Variants in ARHGEF18 observed in about 807,000 individuals in gnomAD.
The protein encoded by ARHGEF18 is Rho/Rac guanine nucleotide exchange factor 18.
In ARHGEF18, 93 loss-of-function variants were observed where a neutral mutation model predicts 155.7. That is an observed-to-expected ratio of 0.60 (90% CI 0.50 to 0.71). The LOEUF (loss-of-function observed/expected upper bound fraction) is 0.71. ARHGEF18 is among the 30% of genes least tolerant of loss of function. The pLI, the probability that ARHGEF18 is intolerant of heterozygous loss-of-function variation, is 0.00. For missense variants in ARHGEF18, 1,593 were observed against 1,816.1 expected (o/e 0.88, Z 2.23); for synonymous variants, 742 against 753.1 (o/e 0.99, Z 0.24).
rs765235100 is a variant in ARHGEF18 at position 7,458,534 on chromosome 19, C to T, written c.2204C>T (p.Ser735Leu). 23 of 1,613,894 alleles carry T rather than the reference C, an allele frequency of 1.4e-5. 1 individual carries two copies. Among genetic ancestry groups the T allele is most frequent in the South Asian group, 2.2e-5 (2 of 91,080 alleles). Residue 735 changes from serine (S) to leucine (L), a missense_variant, in exon 19 of 29, where the codon TCG becomes TTG. By Grantham distance (145) the Ser-to-Leu change is moderately radical. Coordinates refer to ENST00000668164, the MANE Select transcript of ARHGEF18 (RefSeq NM_001367823.1). ...CAGGACTCAAAGCCACCCGTCATCT[C>T]GTTACAAAAGCTCATCGTGAGGGAA... Reference protein sequence around the residue: ...ASVDSKPPVISLQKLIVREVA... With the variant: ...ASVDSKPPVILLQKLIVREVA...
intron 10 of ARHGEF18, among the ~76,000 whole-genome samples, chr19:7,426,985 C>A (rs1245109310): frequency 6.6e-6 from 1 of 152,178 alleles, no homozygotes; most frequent in South Asian, 2.1e-4. Flanking sequence ...AGTTTGAATT[C>A]TTGGGGTGGA....
At chr19:7,410,395 TAC>T (rs975420548) in intron 10 of ARHGEF18, among the ~76,000 whole-genome samples, 1 of 151,778 alleles carries the variant, frequency 6.6e-6, no homozygotes, top group African/African-American at 2.4e-5. Context: ...TATATATATA[TAC>T]ACACACACAT....
At position 7,470,946 on chromosome 19, in the gene ARHGEF18, C is replaced by G. The variant is rs1415819560; in HGVS notation, c.*648C>G. On this transcript the variant is annotated 3_prime_UTR_variant, in exon 29 of 29. Transcript: ENST00000668164. This position sits in a 1 kb window ranked among gnomAD's most constrained non-coding sequence, Gnocchi z 5.9. ...GGCCCACTGAGGGAACATCAGTGGCCCTCCAGTCAGGTTCTGTGGGTTTGG... is the reference window on the plus strand; with the variant it reads ...GGCCCACTGAGGGAACATCAGTGGCGCTCCAGTCAGGTTCTGTGGGTTTGG... The G allele has an allele frequency of 2.5e-6, 1 of 400,478 alleles. No homozygotes were observed. The highest frequency in any genetic ancestry group is 4.4e-6 in the Non-Finnish European group (1 of 225,958). The allele number at this position is 400,478 out of a possible 1,614,324, so 24.8% of individuals were successfully genotyped here. A position where few individuals can be genotyped will look rare whatever the true frequency, so the allele number is the denominator to read the frequency against.
intron 18 of ARHGEF18, among the ~76,000 whole-genome samples, chr19:7,457,239 C>G (rs369065510): frequency 6.6e-6 from 1 of 151,788 alleles, no homozygotes; most frequent in Non-Finnish European, 1.5e-5. Flanking sequence ...TCTGTGTCCT[C>G]GAGTGGCCAT....
Position 7,358,159 on chromosome 19 carries a change from T to TTCCATCCATCCA in ARHGEF18, c.-110-4605_-110-4594dup, listed in dbSNP as rs72488503. 3.5e-4 allele frequency among the ~76,000 whole-genome samples: 51 copies of TTCCATCCATCCA among 147,050 alleles called. 1 individual carries two copies. Among genetic ancestry groups the TTCCATCCATCCA allele is most frequent in the African/African-American group, 1.2e-3 (48 of 39,646 alleles). On this transcript the variant is annotated intron_variant, in intron 1 of 28. Coordinates refer to ENST00000668164, the MANE Select transcript of ARHGEF18 (RefSeq NM_001367823.1). ...CAGCCAACTCTTCAACCATCCATCC[T>TTCCATCCATCCA]TCCATCCATCCATCCATCCATCCAT...
At position 7,469,909 on chromosome 19, in the gene ARHGEF18, T is replaced by G. The variant is rs1976911866; in HGVS notation, c.3793T>G (p.Phe1265Val). ...AAATACCTTCTCTCTTCCAGCGTCCTTCGACCTGAAGCAGCAGCTGCTGCT... is the reference window on the plus strand; with the variant it reads ...AAATACCTTCTCTCTTCCAGCGTCCGTCGACCTGAAGCAGCAGCTGCTGCT... ...GSQRWESSAS[F>V]DLKQQLLLNK... The change falls in exon 28 of 29, where the codon TTC becomes GTC. Residue 1265 changes from phenylalanine to valine, a missense_variant. By Grantham distance (50) the Phe-to-Val change is conservative. Transcript: ENST00000668164. The G allele has an allele frequency of 1.2e-6, 2 of 1,612,860 alleles. No individual in the cohort carries two copies. The highest frequency in any genetic ancestry group is 1.7e-6 in the Non-Finnish European group (2 of 1,179,818).
intron 3 of ARHGEF18, 133 bp downstream of exon 3, chr19:7,373,204 G>A: frequency 8.8e-7 from 1 of 1,133,146 alleles, no homozygotes; most frequent in Non-Finnish European, 1.1e-6. Context: ...TTGGTACCAG[G>A]GACCAGTTTC....
At chr19:7,431,294 A>G (rs1047083484) in intron 10 of ARHGEF18, among the ~76,000 whole-genome samples, 11 of 152,062 alleles carry the variant, frequency 7.2e-5, no homozygotes, top group African/African-American at 2.7e-4. Flanking sequence ...AGGTGGGCGG[A>G]TCACTTGAGG....
chr19:7,450,984 AATGCAGGATC>A (rs1975401367), intron 15 of ARHGEF18, among the ~76,000 whole-genome samples, 155 bp from the exon 16 acceptor site: 1 of 151,966 alleles, frequency 6.6e-6, no homozygotes, highest in East Asian at 1.9e-4. Flanking sequence ...CCGAGATGTT[AATGCAGGATC>A]TTGCTGTCCA....
intron 10 of ARHGEF18, among the ~76,000 whole-genome samples, chr19:7,410,841 T>C (rs1972633602): frequency 6.9e-6 from 1 of 145,582 alleles, no homozygotes; most frequent in South Asian, 2.2e-4. Flanking sequence ...TTTTTCACCC[T>C]TGTCATTTTG....
At chr19:7,434,603 A>C (rs1426357087) in intron 10 of ARHGEF18, among the ~76,000 whole-genome samples, 2 of 152,182 alleles carry the variant, frequency 1.3e-5, no homozygotes, top group Admixed American at 6.6e-5. Context: ...TGGACAGCAC[A>C]AGCTGAACCC....
intron 1 of ARHGEF18, among the ~76,000 whole-genome samples, chr19:7,359,137 T>TA (rs1969441806): frequency 6.6e-6 from 1 of 151,276 alleles, no homozygotes; most frequent in Non-Finnish European, 1.5e-5. Flanking sequence ...GACAGGGAGG[T>TA]AAGAGGACAG....
chr19:7,410,510 T>A (rs1972610311), intron 10 of ARHGEF18, among the ~76,000 whole-genome samples: 1 of 151,964 alleles, frequency 6.6e-6, no homozygotes. Flanking sequence ...CTTCTTTTCA[T>A]CAAAATGTTT....
At chr19:7,446,811 G>A (rs1046641198) in intron 14 of ARHGEF18, among the ~76,000 whole-genome samples, 15 of 150,740 alleles carry the variant, frequency 1.0e-4, no homozygotes, top group Admixed American at 1.3e-4. Context: ...CAGGAGCATC[G>A]CTTGATCCCG....
intron 10 of ARHGEF18, among the ~76,000 whole-genome samples, chr19:7,430,879 C>T (rs1286478466): frequency 1.3e-5 from 2 of 152,094 alleles, no homozygotes; most frequent in Admixed American, 6.6e-5. Flanking sequence ...CAACCATCCT[C>T]AACCTAAATG....
chr19:7,384,844 AC>A (rs1177892769), intron 10 of ARHGEF18, among the ~76,000 whole-genome samples: 1 of 152,020 alleles, frequency 6.6e-6, no homozygotes, highest in Non-Finnish European at 1.5e-5. Context: ...GGTGTGCACC[AC>A]CATGCTTGGC....
At chr19:7,399,305 C>T (rs547941016) in intron 10 of ARHGEF18, among the ~76,000 whole-genome samples, 8 of 152,012 alleles carry the variant, frequency 5.3e-5, no homozygotes, top group Non-Finnish European at 8.8e-5. Flanking sequence ...CGAGAGCATT[C>T]GGTGACAGCA....
At chr19:7,381,081 C>CA in intron 8 of ARHGEF18, 87 bp downstream of exon 8, 9 of 1,049,456 alleles carry the variant, frequency 8.6e-6, no homozygotes, top group Middle Eastern at 3.5e-4. Flanking sequence ...ACCCCCCATG[C>CA]TGGGGGCAGG....
intron 3 of ARHGEF18, among the ~76,000 whole-genome samples, chr19:7,373,477 G>GTTTTTTTTTTTTTTTTTTTTTTTT (rs369561919): frequency 1.0e-5 from 1 of 95,650 alleles, no homozygotes; most frequent in Admixed American, 9.6e-5. Flanking sequence ...TTTTTTTTTT[G>GTTTTTTTTTTTTTTTTTTTTTTTT]TTTTTGTTTT....
Sources: gnomAD v4.1 joint callset for allele counts (sites outside exome capture counted in the v4.1 genomes callset) on GRCh38, gnomAD v4.1.1 for gene constraint, Gnocchi (gnomAD v3.1) non-coding constraint, MANE v1.5 for transcripts, NCBI Gene and HGNC (gene_info 2026-07-23, HGNC 2026-07-21) for gene names.